The following TGM1 variants were observed in gnomAD, a reference collection of about 807,000 sequenced individuals.
The protein encoded by TGM1 is protein-glutamine gamma-glutamyltransferase K.
A neutral mutation model predicts 88.7 loss-of-function variants in TGM1; 63 were observed. The ratio of observed to expected loss-of-function variants is 0.71; its 90% CI spans 0.58 to 0.88. The LOEUF (loss-of-function observed/expected upper bound fraction) is 0.88. TGM1 is among the 40% of genes least tolerant of loss of function. The pLI is 0.00. For missense variants in TGM1, 996 were observed against 1,118.0 expected, an observed-to-expected ratio of 0.89 and a Z score of 1.56; for synonymous variants, 415 against 431.1, an observed-to-expected ratio of 0.96 and a Z score of 0.46.
At chr14:24,253,974 C>T in intron 14 of TGM1, 178 bp downstream of exon 14, 1 of 808,476 alleles carries the variant, frequency 1.2e-6, no homozygotes. Flanking sequence ...AAGAGGTCTC[C>T]CTAAAGGCTG....
In TGM1 at chr14:24,261,919, T is replaced by C. The variant is rs771222021; in HGVS notation, c.320-36A>G. 45 of 1,611,300 alleles carry C rather than the reference T, an allele frequency of 2.8e-5. 1 individual carries two copies. In the South Asian group the frequency reaches 3.4e-4, roughly 12 times the overall value. ...ACAGCTCCGTGTCAGTGAAGCCCCA[T>C]GAGGAGCCCAGGCCCTTATCATTAG... On this transcript the variant is annotated intron_variant, in intron 2 of 14. Coordinates refer to ENST00000206765, the MANE Select transcript of TGM1 (RefSeq NM_000359.3).
In TGM1 at chr14:24,259,349, C is replaced by T; in HGVS notation, c.985-100G>A. The T allele has an allele frequency of 1.7e-6, 2 of 1,180,972 alleles. No homozygotes were observed. Among genetic ancestry groups the T allele is most frequent in the Non-Finnish European group, 2.5e-6 (2 of 816,100 alleles). The allele number at this position is 1,180,972 out of a possible 1,614,324, so 73.2% of individuals were successfully genotyped here. ...GCCGGGCCCCGATCCTGCAACCACC[C>T]CTTACCCCTAAATGCCTCAGGATCC... On this transcript the variant is annotated intron_variant, in intron 6 of 14. Transcript: ENST00000206765. The surrounding 1 kb of genome is among the most constrained non-coding windows in gnomAD (Gnocchi z 5.7).
intron 3 of TGM1, 21 bp from the exon 4 acceptor site, chr14:24,260,719 T>C (rs2040802076): frequency 6.2e-7 from 1 of 1,613,996 alleles, no homozygotes. Flanking sequence ...AAATCAGCAA[T>C]TAGCTGGCAA....
Position 24,258,376 on chromosome 14 carries a change from C to T in TGM1, c.1311G>A (p.Val437=). 2 of 1,614,156 alleles carry T rather than the reference C, an allele frequency of 1.2e-6. No individual in the cohort carries two copies. The highest frequency in any genetic ancestry group is 1.7e-6 in the Non-Finnish European group (2 of 1,180,026). ...LNHDSVWNFH[V]WNDCWMKRPD... ...GCCTCTTCATCCAGCAGTCGTTCCACACATGGAAGTTCCTGGATGGACATG... is the reference window on the plus strand; with the variant it reads ...GCCTCTTCATCCAGCAGTCGTTCCATACATGGAAGTTCCTGGATGGACATG... Residue 437 remains valine, a synonymous_variant, in exon 9 of 15, where the codon GTG becomes GTA. Coordinates refer to ENST00000206765, the MANE Select transcript of TGM1 (RefSeq NM_000359.3).
chr14:24,255,215 C>T lies in TGM1; in HGVS notation c.1684G>A (p.Ala562Thr). 1.2e-6 allele frequency: 2 copies of T among 1,613,820 alleles called. No individual in the cohort carries two copies. Among genetic ancestry groups the T allele is most frequent in the African/African-American group, 2.7e-5 (2 of 75,054 alleles). Residue 562 changes from alanine to threonine, a missense_variant, in exon 12 of 15, where the codon GCC becomes ACC. By Grantham distance (58) the Ala-to-Thr change is moderately conservative (BLOSUM62 0). Coordinates refer to ENST00000206765, the MANE Select transcript of TGM1 (RefSeq NM_000359.3). The surrounding 1 kb of genome is among the most constrained non-coding windows in gnomAD (Gnocchi z 4.0). ...AERKAVETAA[A>T]HGSKPNVYAN... Reference sequence around the variant, plus strand: ...TACACATTGGGTTTGCTGCCGTGGGCTGCTGCTGTCTCTACTGCCTTCCGC... The same window carrying T: ...TACACATTGGGTTTGCTGCCGTGGGTTGCTGCTGTCTCTACTGCCTTCCGC...
chr14:24,258,035 C>T (rs2040770467), intron 9 of TGM1, among the ~76,000 whole-genome samples: 1 of 152,176 alleles, frequency 6.6e-6, no homozygotes, highest in Non-Finnish European at 1.5e-5. Flanking sequence ...TTGAACCTCC[C>T]TTGTATATTA....
In TGM1 at chr14:24,259,983, C is replaced by T. The variant is rs1354167809; in HGVS notation, c.833G>A (p.Gly278Glu). ...VLNESGRIYY[G>E]TEAQIGERTW... is the part of the protein sequence containing the mutation. ...CCGCTCACCAATCTGTGCTTCGGTC[C>T]CGTAGTAAATTCTCCCAGACTCATT... Residue 278 changes from glycine to glutamate, a missense_variant, in exon 5 of 15, where the codon GGG becomes GAG. By Grantham distance (98) the Gly-to-Glu change is moderately conservative. Coordinates refer to ENST00000206765, the MANE Select transcript of TGM1 (RefSeq NM_000359.3). The surrounding 1 kb of genome is among the most constrained non-coding windows in gnomAD (Gnocchi z 5.7). 6.2e-7 allele frequency: 1 copy of T among 1,614,046 alleles called. No individual in the cohort carries two copies. The highest frequency in any genetic ancestry group is 8.5e-7 in the Non-Finnish European group (1 of 1,180,026).
At chr14:24,256,991 T>C (rs988726635) in intron 9 of TGM1, among the ~76,000 whole-genome samples, 8 of 152,242 alleles carry the variant, frequency 5.3e-5, no homozygotes, top group African/African-American at 1.9e-4. Flanking sequence ...TCGAGGTGCT[T>C]GCCCAAGAGC....
Position 24,255,759 on chromosome 14 carries a change from C to A in TGM1, c.1491+230G>T, listed in dbSNP as rs756489456. 6.6e-6 allele frequency among the ~76,000 whole-genome samples: 1 copy of A among 152,224 alleles called. No individual in the cohort carries two copies. The highest frequency in any genetic ancestry group is 1.5e-5 in the Non-Finnish European group (1 of 68,034). ...CTTTGGCAATATCAGTAATCCCTCA[C>A]ACTCAATGGCTGACTTTACGACTAG... On this transcript the variant is annotated intron_variant, in intron 10 of 14. Transcript: ENST00000206765. The surrounding 1 kb of genome is among the most constrained non-coding windows in gnomAD (Gnocchi z 4.0).
intron 14 of TGM1, among the ~76,000 whole-genome samples, chr14:24,253,000 G>T (rs1054172393): frequency 1.3e-5 from 2 of 152,192 alleles, no homozygotes; most frequent in African/African-American, 4.8e-5. Flanking sequence ...CCAGGGGCTT[G>T]CCCAGCCCAG....
Position 24,259,938 on chromosome 14 carries a change from A to G in TGM1, c.876+2T>C, listed in dbSNP as rs151054393. 3.0e-5 allele frequency: 49 copies of G among 1,613,612 alleles called. No individual in the cohort carries two copies. The highest frequency in any genetic ancestry group is 4.1e-5 in the Non-Finnish European group (48 of 1,179,734). On this transcript the variant is annotated splice_donor_variant, in intron 5 of 14. Coordinates refer to ENST00000206765, the MANE Select transcript of TGM1 (RefSeq NM_000359.3). LOFTEE classifies it high-confidence loss of function. This position sits in a 1 kb window ranked among gnomAD's most constrained non-coding sequence, Gnocchi z 5.7. ...ATGTGACCCTGGCCAGCCGCACCAT[A>G]CCTGGCCGTAGTTCCAGGTCCGCTC...
In TGM1 at chr14:24,259,733, C is replaced by T. The variant is rs1179159944; in HGVS notation, c.955G>A (p.Val319Ile). The change falls in exon 6 of 15, where the codon GTC becomes ATC. Residue 319 changes from valine to isoleucine, a missense_variant. By Grantham distance (29) the Val-to-Ile change is conservative. Coordinates refer to ENST00000206765, the MANE Select transcript of TGM1 (RefSeq NM_000359.3). The surrounding 1 kb of genome is among the most constrained non-coding windows in gnomAD (Gnocchi z 5.7). ...GMPYGGRGDP[V>I]NVSRVISAMV... Reference sequence around the variant, plus strand: ...GCAGAGATGACCCGGGAGACATTGACTGGGTCTCCACGGCCTCCATATGGC... The same window carrying T: ...GCAGAGATGACCCGGGAGACATTGATTGGGTCTCCACGGCCTCCATATGGC... 1 of 1,612,138 alleles carries T rather than the reference C, an allele frequency of 6.2e-7. No homozygotes were observed. Among genetic ancestry groups the T allele is most frequent in the Non-Finnish European group, 8.5e-7 (1 of 1,179,422 alleles).
In TGM1 at chr14:24,255,619, C is replaced by A; in HGVS notation, c.1492-102G>T. On this transcript the variant is annotated intron_variant, in intron 10 of 14. Coordinates refer to ENST00000206765, the MANE Select transcript of TGM1 (RefSeq NM_000359.3). The surrounding 1 kb of genome is among the most constrained non-coding windows in gnomAD (Gnocchi z 4.0). Reference sequence around the variant, plus strand: ...TGATCCCAGGAGCTATGGGACAGGGCTTGGTCCCAAGGGTGGGAGCTTCCT... The same window carrying A: ...TGATCCCAGGAGCTATGGGACAGGGATTGGTCCCAAGGGTGGGAGCTTCCT... 6.6e-7 allele frequency: 1 copy of A among 1,523,090 alleles called. No individual in the cohort carries two copies. The highest frequency in any genetic ancestry group is 1.4e-5 in the African/African-American group (1 of 73,290). 94.3% of individuals were successfully genotyped at this position (1,523,090 alleles called of 1,614,324 possible). A position where few individuals can be genotyped will look rare whatever the true frequency, so the allele number is the denominator to read the frequency against.
At chr14:24,262,456 G>A (rs1021619915) in intron 1 of TGM1, 102 bp from the exon 2 acceptor site, 42 of 1,259,304 alleles carry the variant, frequency 3.3e-5, no homozygotes, top group African/African-American at 1.2e-4. Context: ...CCCGATGACC[G>A]AAACAATCCC....
intron 14 of TGM1, among the ~76,000 whole-genome samples, chr14:24,251,884 C>T (rs973570286): frequency 6.6e-6 from 1 of 152,148 alleles, no homozygotes; most frequent in African/African-American, 2.4e-5. Flanking sequence ...TCAAATCTAC[C>T]CCTAAGAAGG....
chr14:24,254,912 T>G, intron 12 of TGM1, 60 bp downstream of exon 12: 3 of 1,612,946 alleles, frequency 1.9e-6, no homozygotes, highest in Non-Finnish European at 2.5e-6. Context: ...GGGGTCTCCA[T>G]GTCCACAGCC....
chr14:24,261,918 A>G, intron 2 of TGM1, 35 bp from the exon 3 acceptor site: 1 of 1,611,522 alleles, frequency 6.2e-7, no homozygotes, highest in Non-Finnish European at 8.5e-7. Flanking sequence ...GTGAAGCCCC[A>G]TGAGGAGCCC....
At chr14:24,258,450 C>T (rs900878771) in intron 8 of TGM1, 62 bp from the exon 9 acceptor site, 2 of 1,611,830 alleles carry the variant, frequency 1.2e-6, no homozygotes, top group African/African-American at 1.3e-5. Context: ...TCAGTTTCCC[C>T]AGCCTCCCCA....
At position 24,255,258 on chromosome 14, in the gene TGM1, G is replaced by C. The variant is rs768771670; in HGVS notation, c.1646-5C>G. On this transcript the variant is annotated splice_region_variant and splice_polypyrimidine_tract_variant and intron_variant, in intron 11 of 14. Transcript: ENST00000206765. The surrounding 1 kb of genome is among the most constrained non-coding windows in gnomAD (Gnocchi z 4.0). ...CCTTCCGCTCTGCGTCTGAGCCTGGGGGTTGAGGGTCAAGGGTGAGGTTCC... is the reference window on the plus strand; with the variant it reads ...CCTTCCGCTCTGCGTCTGAGCCTGGCGGTTGAGGGTCAAGGGTGAGGTTCC... 1.9e-6 allele frequency: 3 copies of C among 1,613,864 alleles called. No individual in the cohort carries two copies. The highest frequency in any genetic ancestry group is 2.5e-6 in the Non-Finnish European group (3 of 1,180,048).
Sources: gnomAD v4.1 joint callset for allele counts (sites outside exome capture counted in the v4.1 genomes callset) on GRCh38, gnomAD v4.1.1 for gene constraint, Gnocchi (gnomAD v3.1) non-coding constraint, MANE v1.5 for transcripts, NCBI Gene and HGNC (gene_info 2026-07-23, HGNC 2026-07-21) for gene names.